GLI3: variants seen among roughly 807,000 people sequenced by gnomAD.
GLI3 encodes the protein transcription activator GLI3.
A neutral mutation model predicts 100.8 loss-of-function variants in GLI3; 20 were observed. The ratio of observed to expected loss-of-function variants is 0.20; its 90% CI spans 0.14 to 0.29. GLI3 has a LOEUF of 0.29. Ranked by LOEUF, GLI3 falls within the 10% of genes least tolerant of loss-of-function variation. The pLI is 1.00. For synonymous variants in GLI3, 938 were observed against 860.5 expected (o/e 1.09, Z -1.58); for missense variants, 2,040 against 2,128.5 (o/e 0.96, Z 0.82).
rs1438200837 is a variant in GLI3, at chr7:41,963,428, G to C, written c.*902C>G. On this transcript the variant is annotated 3_prime_UTR_variant, in exon 15 of 15. Coordinates refer to ENST00000395925, the MANE Select transcript of GLI3 (RefSeq NM_000168.6). ...TTCCCCCAACTAATTCTACCCAATT[G>C]CTTCAATCTACCATCTATCTAACTT... The C allele has an allele frequency of 6.6e-6, 1 of 152,112 alleles. No individual in the cohort carries two copies. Among genetic ancestry groups the C allele is most frequent in the Admixed American group, 6.5e-5 (1 of 15,272 alleles). The allele number at this position is 152,112 out of a possible 1,614,324, so 9.4% of individuals were successfully genotyped here. A position where few individuals can be genotyped will look rare whatever the true frequency, so the allele number is the denominator to read the frequency against.
chr7:42,123,196 C>T (rs913605801), intron 3 of GLI3, among the ~76,000 whole-genome samples: 6 of 152,146 alleles, frequency 3.9e-5, no homozygotes, highest in African/African-American at 1.4e-4. Flanking sequence ...CTTTTTTCAC[C>T]AGTAATTAGT....
intron 10 of GLI3, among the ~76,000 whole-genome samples, chr7:42,013,738 G>A (rs1490256814): frequency 1.3e-5 from 2 of 152,128 alleles, no homozygotes; most frequent in Non-Finnish European, 2.9e-5. Flanking sequence ...CACAATAAAA[G>A]CTAACTGGCT....
chr7:42,081,914 A>G (rs1390137222), intron 3 of GLI3, among the ~76,000 whole-genome samples: 2 of 152,084 alleles, frequency 1.3e-5, no homozygotes, highest in African/African-American at 4.8e-5. Context: ...GGTGATTTAA[A>G]TACTGAAGTC....
upstream of GLI3, among the ~76,000 whole-genome samples, chr7:42,240,583 C>T (rs1205774764): frequency 1.3e-5 from 2 of 152,158 alleles, no homozygotes; most frequent in African/African-American, 4.8e-5. Context: ...TCAGTCTCCA[C>T]CTCTGTCCTC....
At position 41,961,937 on chromosome 7, in the gene GLI3, G is replaced by T. The variant is rs1335434706; in HGVS notation, c.*2393C>A. 6.6e-6 allele frequency: 1 copy of T among 151,598 alleles called. No individual in the cohort carries two copies. The highest frequency in any genetic ancestry group is 6.6e-5 in the Admixed American group (1 of 15,214). 9.4% of individuals were successfully genotyped at this position (151,598 alleles called of 1,614,324 possible). ...CATTGAGCTGAAACTTGCATCTCCT[G>T]CAAATCTAAAAGCAGTAGAAAGGAA... On this transcript the variant is annotated 3_prime_UTR_variant, in exon 15 of 15. Transcript: ENST00000395925.
At chr7:42,212,793 G>A (rs1341449888) in intron 2 of GLI3, among the ~76,000 whole-genome samples, 1 of 152,176 alleles carries the variant, frequency 6.6e-6, no homozygotes, top group Non-Finnish European at 1.5e-5. Flanking sequence ...CACAGAGAAT[G>A]GAGAAACACC....
In GLI3 at chr7:41,969,226, C is replaced by A. The variant is rs1159006772; in HGVS notation, c.2104-1303G>T. On this transcript the variant is annotated intron_variant, in intron 13 of 14. Coordinates refer to ENST00000395925, the MANE Select transcript of GLI3 (RefSeq NM_000168.6). ...GTCACAAAGTGAATGGTGCAACTAG[C>A]CTGGACTCCTAGGCCGGCTACTTCC... Among the ~76,000 whole-genome samples the A allele has an allele frequency of 5.3e-5, 8 of 152,154 alleles. No individual in the cohort carries two copies. In the South Asian group the frequency reaches 1.4e-3, roughly 28 times the overall value.
intron 7 of GLI3, among the ~76,000 whole-genome samples, chr7:42,033,590 G>C (rs926225095): frequency 6.6e-6 from 1 of 152,156 alleles, no homozygotes; most frequent in Non-Finnish European, 1.5e-5. Context: ...AGAAAAGAGA[G>C]GGGAGAGAGA....
chr7:42,129,244 T>C (rs1042801618), intron 3 of GLI3, among the ~76,000 whole-genome samples: 2 of 151,948 alleles, frequency 1.3e-5, no homozygotes, highest in Admixed American at 1.3e-4. Flanking sequence ...TATGAGAAAA[T>C]GGGGGCTCAG....
At chr7:42,175,825 CTT>C (rs1308525296) in intron 2 of GLI3, among the ~76,000 whole-genome samples, 1 of 152,150 alleles carries the variant, frequency 6.6e-6, no homozygotes, top group African/African-American at 2.4e-5. Context: ...CCCTTTATCT[CTT>C]TGATTTCCTT....
At chr7:42,088,861 C>T (rs1785158732) in intron 3 of GLI3, among the ~76,000 whole-genome samples, 1 of 152,194 alleles carries the variant, frequency 6.6e-6, no homozygotes, top group African/African-American at 2.4e-5. Flanking sequence ...CCTGTGCTTC[C>T]CTGAGGCCTC....
In GLI3 at chr7:42,023,581, T is replaced by C. The variant is rs772162441; in HGVS notation, c.1384A>G (p.Lys462Glu). ...CTTTCATCTTTGTCCCCTTCCTCCT[T>C]GACAAGGGTTGTTCCTTCGGGCTGT... ...QEQPEGTTLVKEEGDKDESKQ... is the reference protein window; with the variant it reads ...QEQPEGTTLVEEEGDKDESKQ... The change falls in exon 10 of 15, where the codon AAG (lysine) becomes GAG (glutamate). Residue 462 changes from lysine (K) to glutamate (E), a missense_variant. Lys to Glu is a moderately conservative substitution (Grantham distance 56, BLOSUM62 1). This residue lies in a region of GLI3 where 603 missense variants were observed against 690.9 expected (regional missense o/e 0.87). Coordinates refer to ENST00000395925, the MANE Select transcript of GLI3 (RefSeq NM_000168.6). 1 of 1,609,052 alleles carries C rather than the reference T, an allele frequency of 6.2e-7. No homozygotes were observed. The highest frequency in any genetic ancestry group is 8.5e-7 in the Non-Finnish European group (1 of 1,178,700).
chr7:42,258,371 G>A (rs1164796074), intron 1 of GLI3, among the ~76,000 whole-genome samples: 2 of 152,156 alleles, frequency 1.3e-5, no homozygotes, highest in Non-Finnish European at 2.9e-5. Flanking sequence ...GTTGATAAAT[G>A]TTAATGAAGG....
chr7:41,978,752 G>A lies in GLI3; in HGVS notation c.1498-4C>T, dbSNP rs753456036. ...GAATATGGTCGTTATTTATATGCTG[G>A]GGTTTGGAAAAAGAGAGAGAAATCA... On this transcript the variant is annotated splice_polypyrimidine_tract_variant and splice_region_variant and intron_variant, in intron 10 of 14. Coordinates refer to ENST00000395925, the MANE Select transcript of GLI3 (RefSeq NM_000168.6). 1 of 1,613,434 alleles carries A rather than the reference G, an allele frequency of 6.2e-7. No individual in the cohort carries two copies. Among genetic ancestry groups the A allele is most frequent in the East Asian group, 2.2e-5 (1 of 44,880 alleles).
chr7:42,223,544 C>T (rs1788529821), intron 1 of GLI3, among the ~76,000 whole-genome samples: 1 of 152,182 alleles, frequency 6.6e-6, no homozygotes, highest in Non-Finnish European at 1.5e-5. Flanking sequence ...TCCCAAATCC[C>T]TACTGAGCGT....
intron 1 of GLI3, among the ~76,000 whole-genome samples, chr7:42,249,085 A>T (rs1466473204): frequency 1.3e-5 from 2 of 152,088 alleles, no homozygotes; most frequent in African/African-American, 4.8e-5. Context: ...GGACAAAAAA[A>T]TTCCCTTTTC....
chr7:42,136,115 G>A (rs1786422444), intron 3 of GLI3, among the ~76,000 whole-genome samples: 1 of 152,164 alleles, frequency 6.6e-6, no homozygotes, highest in South Asian at 2.1e-4. Flanking sequence ...ATTATCTGTT[G>A]ACATGTGAAA....
intron 2 of GLI3, among the ~76,000 whole-genome samples, chr7:42,211,092 T>C (rs1023978009): frequency 6.6e-6 from 1 of 152,234 alleles, no homozygotes; most frequent in African/African-American, 2.4e-5. Context: ...AACAGATGGA[T>C]AAAAATATTC....
At chr7:42,051,480 A>G (rs1784350892) in intron 4 of GLI3, among the ~76,000 whole-genome samples, 1 of 152,194 alleles carries the variant, frequency 6.6e-6, no homozygotes, top group Non-Finnish European at 1.5e-5. Flanking sequence ...GTAAAATCAT[A>G]TGTGACATAT....
Sources: gnomAD v4.1 joint callset for allele counts (sites outside exome capture counted in the v4.1 genomes callset) on GRCh38, gnomAD v4.1.1 for gene constraint, gnomAD v4.1.1 regional missense constraint, MANE v1.5 for transcripts, NCBI Gene and HGNC (gene_info 2026-07-23, HGNC 2026-07-21) for gene names.